MAD1L1: variants seen among roughly 807,000 people sequenced by gnomAD.
MAD1L1 encodes mitotic spindle assembly checkpoint protein MAD1.
In MAD1L1, 95 loss-of-function variants were observed where a neutral mutation model predicts 96.9. That is an observed-to-expected ratio of 0.98 (90% CI 0.83 to 1.16). MAD1L1 has a LOEUF of 1.16. Ranked by LOEUF, MAD1L1 falls within the 50% of genes most tolerant of loss-of-function variation. MAD1L1 has a pLI of 0.00. For missense variants in MAD1L1, 1,007 were observed against 954.4 expected, an observed-to-expected ratio of 1.06 and a Z score of -0.73; for synonymous variants, 473 against 396.6, an observed-to-expected ratio of 1.19 and a Z score of -2.29.
At chr7:2,116,238 G>A (rs1375649996) in intron 11 of MAD1L1, among the ~76,000 whole-genome samples, 3 of 152,244 alleles carry the variant, frequency 2.0e-5, no homozygotes, top group Non-Finnish European at 2.9e-5. Flanking sequence ...AGGGAGCGGA[G>A]TGCGTGGGTG....
At chr7:2,017,826 G>T (rs570997043) in intron 12 of MAD1L1, among the ~76,000 whole-genome samples, 1 of 152,312 alleles carries the variant, frequency 6.6e-6, no homozygotes, top group East Asian at 1.9e-4. Context: ...CCATAGCAGG[G>T]GGCAGGACAC....
rs1319153785 is a variant in MAD1L1, at chr7:2,069,324, T to C, written c.1088A>G (p.Glu363Gly). The C allele has an allele frequency of 1.9e-5, 31 of 1,601,832 alleles. No individual in the cohort carries two copies. The highest frequency in any genetic ancestry group is 2.6e-5 in the Non-Finnish European group (31 of 1,176,930). ...SAVTSSARGL[E>G]KARQQLQEEL... is the part of the protein sequence containing the mutation. ...CTCCTGCAGCTGCTGCCTGGCCTTC[T>C]CCAGCCCCCGGGCGCTGCATGGGAG... Residue 363 changes from glutamate to glycine, a missense_variant, in exon 12 of 19, where the codon GAG (glutamate) becomes GGG (glycine). Glu to Gly is a moderately conservative substitution (Grantham distance 98). Transcript: ENST00000265854.
intron 17 of MAD1L1, among the ~76,000 whole-genome samples, chr7:1,924,255 G>A (rs1297197256): frequency 6.6e-6 from 1 of 152,192 alleles, no homozygotes; most frequent in Non-Finnish European, 1.5e-5. Context: ...ATCACCACAG[G>A]AGTCCTTCTC....
intron 10 of MAD1L1, among the ~76,000 whole-genome samples, chr7:2,210,409 AGGAGCC>A: frequency 6.9e-6 from 1 of 144,464 alleles, no homozygotes; most frequent in Non-Finnish European, 1.6e-5. Context: ...CGGTGATTCT[AGGAGCC>A]GTATTCGGGA....
intron 10 of MAD1L1, among the ~76,000 whole-genome samples, chr7:2,196,909 G>A (rs1792019587): frequency 6.6e-6 from 1 of 152,362 alleles, no homozygotes; most frequent in Middle Eastern, 3.4e-3. Context: ...CGGGGCTGCT[G>A]AAACCTGCAG....
chr7:1,882,154 G>T (rs1785720840), intron 18 of MAD1L1, among the ~76,000 whole-genome samples: 1 of 152,198 alleles, frequency 6.6e-6, no homozygotes, highest in South Asian at 2.1e-4. Flanking sequence ...CCTTGGGAGG[G>T]CAAAGCTCAC....
chr7:1,854,749 C>G (rs1784159189), intron 18 of MAD1L1, among the ~76,000 whole-genome samples: 1 of 152,212 alleles, frequency 6.6e-6, no homozygotes, highest in Non-Finnish European at 1.5e-5. Flanking sequence ...CCAACAGTCT[C>G]ACCAACCATC....
At chr7:2,044,136 G>A (rs1364989500) in intron 12 of MAD1L1, among the ~76,000 whole-genome samples, 1 of 152,228 alleles carries the variant, frequency 6.6e-6, no homozygotes, top group Non-Finnish European at 1.5e-5. Flanking sequence ...CAACGGTCTG[G>A]AATAAAAATC....
intron 17 of MAD1L1, among the ~76,000 whole-genome samples, chr7:1,903,407 C>T (rs1787394411): frequency 6.6e-6 from 1 of 150,692 alleles, no homozygotes; most frequent in African/African-American, 2.5e-5. Flanking sequence ...GGAAGACGTT[C>T]TTGCGGAACT....
At chr7:1,963,441 G>C (rs572490165) in intron 15 of MAD1L1, among the ~76,000 whole-genome samples, 1 of 152,292 alleles carries the variant, frequency 6.6e-6, no homozygotes, top group South Asian at 2.1e-4. Context: ...GCAGGGAGGA[G>C]GGATTCCTGT....
chr7:1,911,727 T>C (rs1242457843), intron 17 of MAD1L1, among the ~76,000 whole-genome samples: 6 of 146,866 alleles, frequency 4.1e-5, no homozygotes, highest in African/African-American at 1.3e-4. Flanking sequence ...GTCTCCAGTC[T>C]GGCGTCACCT....
chr7:2,231,252 C>T (rs1794176563), intron 1 of MAD1L1, among the ~76,000 whole-genome samples: 1 of 151,914 alleles, frequency 6.6e-6, no homozygotes, highest in Admixed American at 6.6e-5. Context: ...GACCTGAGAC[C>T]GCACCACTGC....
intron 12 of MAD1L1, among the ~76,000 whole-genome samples, chr7:2,023,434 G>A (rs977510469): frequency 5.9e-5 from 9 of 152,110 alleles, no homozygotes; most frequent in African/African-American, 1.9e-4. Context: ...TGTAAATAAC[G>A]CATGGGTCAA....
intron 12 of MAD1L1, among the ~76,000 whole-genome samples, chr7:2,033,084 C>T (rs1026107077): frequency 2.6e-5 from 4 of 152,252 alleles, no homozygotes; most frequent in East Asian, 1.9e-4. Flanking sequence ...GATAAACAGA[C>T]GCAGAACTCC....
At chr7:2,136,565 C>T (rs1018988641) in intron 11 of MAD1L1, among the ~76,000 whole-genome samples, 4 of 152,248 alleles carry the variant, frequency 2.6e-5, no homozygotes, top group African/African-American at 9.6e-5. Context: ...GCAACACCAA[C>T]ACCCTCCCTC....
Position 2,119,908 on chromosome 7 carries a change from T to C in MAD1L1, c.1073+29244A>G, listed in dbSNP as rs987143264. The stretch of plus-strand genomic sequence containing the variant: ...TTCCAAGCATCCAACCAGGAGCTCC[T>C]TATTCCCTGAAAGCCGCCCTCAGCA... On this transcript the variant is annotated intron_variant, in intron 11 of 18. Coordinates refer to ENST00000265854, the MANE Select transcript of MAD1L1 (RefSeq NM_001013836.2). This position sits in a 1 kb window ranked among gnomAD's most constrained non-coding sequence, Gnocchi z 4.6. 3.9e-5 allele frequency among the ~76,000 whole-genome samples: 6 copies of C among 152,118 alleles called. No homozygotes were observed. The highest frequency in any genetic ancestry group is 1.4e-4 in the African/African-American group (6 of 41,426).
intron 10 of MAD1L1, 143 bp downstream of exon 10, chr7:2,213,069 C>T (rs1437657966): frequency 1.0e-5 from 8 of 777,378 alleles, no homozygotes; most frequent in Non-Finnish European, 1.7e-5. Flanking sequence ...CTCATTAAAC[C>T]TGAGCAGCCC....
At chr7:2,230,311 C>T (rs1297807837) in intron 2 of MAD1L1, 168 bp from the exon 3 acceptor site, 1 of 538,558 alleles carries the variant, frequency 1.9e-6, no homozygotes, top group East Asian at 3.0e-5. Flanking sequence ...GCCATGCTGC[C>T]AATTTACCAG....
At chr7:2,051,936 T>C (rs10256154) in intron 12 of MAD1L1, among the ~76,000 whole-genome samples, 6,026 of 152,068 alleles carry the variant, frequency 0.04, 420 homozygotes, top group African/African-American at 0.14. Context: ...GGAAGTCTTT[T>C]GTTAGGAGTA....
Sources: gnomAD v4.1 joint callset for allele counts (sites outside exome capture counted in the v4.1 genomes callset) on GRCh38, gnomAD v4.1.1 for gene constraint, Gnocchi (gnomAD v3.1) non-coding constraint, MANE v1.5 for transcripts, NCBI Gene and HGNC (gene_info 2026-07-23, HGNC 2026-07-21) for gene names.